Variants in MAN1A1 observed in about 807,000 individuals in gnomAD.
MAN1A1 encodes mannosidase alpha class 1A member 1.
MAN1A1 carries 29 observed loss-of-function variants against 70.8 expected under a neutral mutation model. That is an observed-to-expected ratio of 0.41 (90% CI 0.31 to 0.56). The LOEUF is 0.56. MAN1A1 is among the 20% of genes least tolerant of loss of function. The probability of loss-of-function intolerance (pLI) is 0.29; values close to 1 mark genes in which losing one functional copy is unlikely to be tolerated. For missense variants in MAN1A1, 747 were observed against 841.3 expected, an observed-to-expected ratio of 0.89 and a Z score of 1.39; for synonymous variants, 349 against 330.1, an observed-to-expected ratio of 1.06 and a Z score of -0.62.
At chr6:119,216,749 AAAG>A (rs1774216793) in intron 6 of MAN1A1, among the ~76,000 whole-genome samples, 2 of 152,218 alleles carry the variant, frequency 1.3e-5, no homozygotes, top group Admixed American at 1.3e-4. Flanking sequence ...AAAAAATTGA[AAAG>A]AAACAAAAGA....
At chr6:119,315,243 T>C (rs772338816) in intron 2 of MAN1A1, among the ~76,000 whole-genome samples, 1 of 152,240 alleles carries the variant, frequency 6.6e-6, no homozygotes, top group Non-Finnish European at 1.5e-5. Flanking sequence ...GCAGGAGATA[T>C]ATAAAGAAAC....
chr6:119,331,570 C>CATATATATAT (rs10562938), intron 2 of MAN1A1, among the ~76,000 whole-genome samples: 11,150 of 117,338 alleles, frequency 0.095, 677 homozygotes, highest in Non-Finnish European at 0.12. Context: ...ACATATTATG[C>CATATATATAT]ATATATATAT....
At chr6:119,331,992 T>C in intron 2 of MAN1A1, 1 of 505,232 alleles carries the variant, frequency 2.0e-6, no homozygotes, top group South Asian at 1.5e-5. Context: ...TGCCCCTTCC[T>C]GGCTTCAATT....
At chr6:119,310,156 C>T (rs935123365) in intron 2 of MAN1A1, among the ~76,000 whole-genome samples, 1 of 152,216 alleles carries the variant, frequency 6.6e-6, no homozygotes, top group African/African-American at 2.4e-5. Flanking sequence ...CTGATCTAAT[C>T]AAGCACGCTG....
At chr6:119,288,972 A>C (rs1293428084) in intron 5 of MAN1A1, among the ~76,000 whole-genome samples, 1 of 151,780 alleles carries the variant, frequency 6.6e-6, no homozygotes, top group Non-Finnish European at 1.5e-5. Flanking sequence ...TTGTTTACTA[A>C]AGTTCACTAT....
intron 11 of MAN1A1, among the ~76,000 whole-genome samples, chr6:119,187,981 T>A (rs1773339120): frequency 6.6e-6 from 1 of 152,194 alleles, no homozygotes; most frequent in Admixed American, 6.5e-5. Flanking sequence ...AAAAGTTAGA[T>A]CTAAGTAGCT....
intron 3 of MAN1A1, among the ~76,000 whole-genome samples, chr6:119,302,540 C>T (rs1334370474): frequency 6.6e-6 from 1 of 152,050 alleles, no homozygotes; most frequent in Non-Finnish European, 1.5e-5. Context: ...TGCCACCACG[C>T]CTGGCTAATT....
At chr6:119,301,007 C>G (rs1417213570) in intron 4 of MAN1A1, among the ~76,000 whole-genome samples, 1 of 152,192 alleles carries the variant, frequency 6.6e-6, no homozygotes, top group East Asian at 1.9e-4. Context: ...CTCATTTGGT[C>G]TCTGAGAGAA....
intron 5 of MAN1A1, among the ~76,000 whole-genome samples, chr6:119,256,623 G>A (rs1198278210): frequency 6.6e-6 from 1 of 152,074 alleles, no homozygotes; most frequent in East Asian, 1.9e-4. Context: ...CATCAGCGTG[G>A]TCAAGGCTGC....
intron 2 of MAN1A1, among the ~76,000 whole-genome samples, chr6:119,328,607 A>G (rs1309113591): frequency 2.0e-5 from 3 of 152,364 alleles, no homozygotes; most frequent in East Asian, 1.9e-4. Flanking sequence ...TATGGAATGA[A>G]TAAGATTTAA....
At chr6:119,302,136 C>T in intron 3 of MAN1A1, 33 bp from the exon 4 acceptor site, 1 of 1,063,540 alleles carries the variant, frequency 9.4e-7, no homozygotes, top group African/African-American at 1.6e-5. Context: ...TGATAAAATA[C>T]TTTGCCTAGA....
At chr6:119,350,491 C>G (rs1019063810), upstream of MAN1A1, 4 of 984,282 alleles carry the variant, frequency 4.1e-6, no homozygotes, top group Non-Finnish European at 4.8e-6. Context: ...ACTTGTATGT[C>G]TCTCCCGCCC....
chr6:119,220,517 TA>T (rs919758782), intron 6 of MAN1A1, among the ~76,000 whole-genome samples: 1 of 152,122 alleles, frequency 6.6e-6, no homozygotes, highest in Admixed American at 6.5e-5. Flanking sequence ...TAATCCACAT[TA>T]AAAAAATAAA....
At chr6:119,187,256 C>G (rs62418806) in intron 11 of MAN1A1, among the ~76,000 whole-genome samples, 1 of 151,908 alleles carries the variant, frequency 6.6e-6, no homozygotes, top group East Asian at 1.9e-4. Flanking sequence ...TGGAACACAC[C>G]ATTCCTGATA....
chr6:119,186,090 CT>C lies in MAN1A1; in HGVS notation c.1719+2314del, dbSNP rs1176440314. On this transcript the variant is annotated intron_variant, in intron 11 of 12. Coordinates refer to ENST00000368468, the MANE Select transcript of MAN1A1 (RefSeq NM_005907.4). The stretch of plus-strand genomic sequence containing the variant: ...GAAATGCAGAAGGGAGATTTTTTCC[CT>C]CTGGTACCCCCAGAGCACAGAACAC... 2.6e-5 allele frequency among the ~76,000 whole-genome samples: 4 copies of C among 152,128 alleles called. No homozygotes were observed. In the East Asian group the frequency reaches 7.7e-4, roughly 29 times the overall value.
intron 2 of MAN1A1, among the ~76,000 whole-genome samples, chr6:119,334,246 A>G (rs913486089): frequency 2.0e-5 from 3 of 152,214 alleles, no homozygotes; most frequent in Non-Finnish European, 4.4e-5. Context: ...AAAAATATAG[A>G]CCTAGGGGGA....
chr6:119,181,451 GT>G (rs35283286), intron 11 of MAN1A1, among the ~76,000 whole-genome samples: 20,612 of 146,914 alleles, frequency 0.14, 2,980 homozygotes, highest in African/African-American at 0.38. Context: ...TAAAATACAT[GT>G]TTTTTTTTTT....
Position 119,294,348 on chromosome 6 carries a change from G to A in MAN1A1, c.817-3585C>T, listed in dbSNP as rs141901076. 4.5e-3 allele frequency among the ~76,000 whole-genome samples: 685 copies of A among 151,942 alleles called. 4 individuals carry two copies. The highest frequency in any genetic ancestry group is 0.016 in the African/African-American group (652 of 41,448). ...CATAATGTTCTAAAAGTTTTCTACC[G>A]ACTTACCCTAATGACAGAGGGGGTA... is the stretch of plus-strand genomic sequence containing the variant. On this transcript the variant is annotated intron_variant, in intron 4 of 12. Transcript: ENST00000368468.
chr6:119,301,941 G>T, intron 4 of MAN1A1, 47 bp downstream of exon 4: 1 of 1,034,810 alleles, frequency 9.7e-7, no homozygotes, highest in Non-Finnish European at 1.5e-6. Flanking sequence ...ATTTATCCAT[G>T]TTAACTGAAA....
Sources: allele counts gnomAD v4.1 joint callset (sites outside exome capture counted in the v4.1 genomes callset), GRCh38; gene constraint gnomAD v4.1.1; transcripts MANE v1.5; gene names NCBI Gene and HGNC (gene_info 2026-07-23, HGNC 2026-07-21).